ZNF649: variants seen among roughly 807,000 people sequenced by gnomAD.
The protein encoded by ZNF649 is zinc finger protein 649.
ZNF649 carries 7 observed loss-of-function variants against 14.1 expected under a neutral mutation model. The ratio of observed to expected loss-of-function variants is 0.49; its 90% CI spans 0.28 to 0.93. The LOEUF is 0.93. ZNF649 is among the 40% of genes least tolerant of loss of function. ZNF649 has a pLI of 0.10. For synonymous variants in ZNF649, 227 were observed against 212.3 expected, an observed-to-expected ratio of 1.07 and a Z score of -0.60; for missense variants, 544 against 608.1, an observed-to-expected ratio of 0.89 and a Z score of 1.11.
chr19:51,896,465 C>T lies in ZNF649; in HGVS notation c.238+7G>A. The stretch of plus-strand genomic sequence containing the variant: ...CCTTCCCCTCTTGCTGGTTCTCTCT[C>T]ACTTACCTGGGTGGGCTGGACTGTG... On this transcript the variant is annotated splice_region_variant and intron_variant, in intron 4 of 4. Coordinates refer to ENST00000354957, the MANE Select transcript of ZNF649 (RefSeq NM_023074.4). 6.2e-7 allele frequency: 1 copy of T among 1,613,628 alleles called. No homozygotes were observed. The highest frequency in any genetic ancestry group is 8.5e-7 in the Non-Finnish European group (1 of 1,179,598).
Position 51,896,866 on chromosome 19 carries a change from T to C in ZNF649, c.128A>G (p.Asn43Ser). 1 of 1,614,098 alleles carries C rather than the reference T, an allele frequency of 6.2e-7. No individual in the cohort carries two copies. Among genetic ancestry groups the C allele is most frequent in the Non-Finnish European group, 8.5e-7 (1 of 1,180,006 alleles). ...GCTGTCCTCACCCACTGACACAAGG[T>C]TGCTGTAGTTCTCCAACATCACATC... ...YRDVMLENYS[N>S]LVSVGYQAGK... Residue 43 changes from asparagine to serine, a missense_variant, in exon 3 of 5, where the codon AAC becomes AGC. By Grantham distance (46) the Asn-to-Ser change is conservative (BLOSUM62 1). Coordinates refer to ENST00000354957, the MANE Select transcript of ZNF649 (RefSeq NM_023074.4).
chr19:51,893,217 T>C (rs1262313983), intron 4 of ZNF649, among the ~76,000 whole-genome samples: 3 of 152,228 alleles, frequency 2.0e-5, no homozygotes, highest in African/African-American at 7.2e-5. Flanking sequence ...CTCATTTTAA[T>C]GTTAAAACTC....
At chr19:51,896,629 T>C in intron 3 of ZNF649, 62 bp from the exon 4 acceptor site, 2 of 1,570,810 alleles carry the variant, frequency 1.3e-6, no homozygotes, top group Non-Finnish European at 1.8e-6. Flanking sequence ...GCTCTGATGA[T>C]AGGAGAAAGG....
Position 51,904,903 on chromosome 19 carries a change from C to A in ZNF649, c.-188+11G>T, listed in dbSNP as rs2122777797. 1 of 152,596 alleles carries A rather than the reference C, an allele frequency of 6.6e-6. No homozygotes were observed. The highest frequency in any genetic ancestry group is 2.4e-5 in the African/African-American group (1 of 41,588). 9.5% of individuals were successfully genotyped at this position (152,596 alleles called of 1,614,324 possible). On this transcript the variant is annotated intron_variant, in intron 1 of 4. Transcript: ENST00000354957. ...CTTTAACCTACTCCACGGAGAGACC[C>A]AAACACTCACCTGATTTTCTTCTGG...
chr19:51,893,846 G>A (rs1011767456), intron 4 of ZNF649, among the ~76,000 whole-genome samples: 3 of 152,170 alleles, frequency 2.0e-5, no homozygotes, highest in African/African-American at 7.2e-5. Context: ...TCTGAATCAA[G>A]ACTTGAGGCA....
chr19:51,901,950 CAA>C (rs35820639), intron 1 of ZNF649, among the ~76,000 whole-genome samples: 1,056 of 63,566 alleles, frequency 0.017, 4 homozygotes, highest in African/African-American at 0.03. Flanking sequence ...GACTCTGTAT[CAA>C]AAAAAAAAAA....
rs1206403134 is a variant in ZNF649 at position 51,900,182 on chromosome 19, T to C, written c.-75A>G. ...TTTCTTCTGGATCCTCCCTAAATTT[T>C]GGCTAAGAAATCTGAGTCTCCATTT... On this transcript the variant is annotated 5_prime_UTR_variant, in exon 2 of 5. Coordinates refer to ENST00000354957, the MANE Select transcript of ZNF649 (RefSeq NM_023074.4). The C allele has an allele frequency of 9.7e-6, 13 of 1,333,638 alleles. No individual in the cohort carries two copies. The highest frequency in any genetic ancestry group is 1.3e-5 in the Non-Finnish European group (13 of 1,008,288). The allele number at this position is 1,333,638 out of a possible 1,614,324, so 82.6% of individuals were successfully genotyped here.
intron 2 of ZNF649, 107 bp from the exon 3 acceptor site, chr19:51,897,085 C>T: frequency 6.7e-7 from 1 of 1,482,646 alleles, no homozygotes; most frequent in African/African-American, 1.4e-5. Flanking sequence ...GCACAGTTGT[C>T]CCTTGGTATA....
rs960762503 is a variant in ZNF649 at position 51,891,767 on chromosome 19, T to A, written c.369A>T (p.Arg123Ser). Residue 123 changes from arginine to serine, a missense_variant, in exon 5 of 5, where the codon AGA becomes AGT. Coordinates refer to ENST00000354957, the MANE Select transcript of ZNF649 (RefSeq NM_023074.4). The surrounding 1 kb of genome is among the most constrained non-coding windows in gnomAD (Gnocchi z 4.2). ...SYLGLTNQSR[R>S]YNRKEPAEFN... is the part of the protein sequence containing the mutation. ...ACTCAGCAGGCTCCTTTCTGTTGTA[T>A]CTTCTGCTCTGGTTGGTTAAACCTA... 1.2e-6 allele frequency: 2 copies of A among 1,614,078 alleles called. No individual in the cohort carries two copies. The highest frequency in any genetic ancestry group is 1.3e-5 in the African/African-American group (1 of 75,056).
intron 3 of ZNF649, 47 bp downstream of exon 3, chr19:51,896,805 G>C: frequency 6.2e-7 from 1 of 1,614,080 alleles, no homozygotes; most frequent in Non-Finnish European, 8.5e-7. Flanking sequence ...GAAAGCAAAG[G>C]CCACTGACTG....
chr19:51,902,246 C>T (rs1475010360), intron 1 of ZNF649, among the ~76,000 whole-genome samples: 2 of 152,150 alleles, frequency 1.3e-5, no homozygotes, highest in African/African-American at 4.8e-5. Flanking sequence ...TATAGCAGCA[C>T]CAACAAGGCT....
chr19:51,891,575 G>A lies in ZNF649; in HGVS notation c.561C>T (p.Phe187=). 1 of 1,614,258 alleles carries A rather than the reference G, an allele frequency of 6.2e-7. No homozygotes were observed. The highest frequency in any genetic ancestry group is 8.5e-7 in the Non-Finnish European group (1 of 1,180,052). The change falls in exon 5 of 5, where the codon TTC becomes TTT. Residue 187 remains phenylalanine, a synonymous_variant. Coordinates refer to ENST00000354957, the MANE Select transcript of ZNF649 (RefSeq NM_023074.4). This position sits in a 1 kb window ranked among gnomAD's most constrained non-coding sequence, Gnocchi z 4.2. ...AHECTDCGKA[F]LKKSQLTEHK... is the part of the protein sequence containing the mutation. ...GCTCAGTGAGCTGAGACTTCTTGAG[G>A]AAAGCTTTCCCACAGTCAGTGCATT...
At chr19:51,903,962 A>C (rs2122776414) in intron 1 of ZNF649, among the ~76,000 whole-genome samples, 1 of 152,312 alleles carries the variant, frequency 6.6e-6, no homozygotes, top group Non-Finnish European at 1.5e-5. Context: ...CAAAATTGAA[A>C]ACCGAACTTA....
intron 1 of ZNF649, chr19:51,900,521 C>G (rs1445496713): frequency 4.1e-5 from 7 of 170,612 alleles, no homozygotes. Flanking sequence ...GGCCACTTTC[C>G]AATGCTTCAA....
chr19:51,892,035 C>G (rs570617682), intron 4 of ZNF649, 138 bp from the exon 5 acceptor site: 1 of 1,068,768 alleles, frequency 9.4e-7, no homozygotes, highest in South Asian at 2.2e-5. Flanking sequence ...TAAGTGTTCC[C>G]TATCTGTTAA....
intron 1 of ZNF649, chr19:51,904,042 G>A (rs2085109411): frequency 6.5e-6 from 1 of 152,938 alleles, no homozygotes; most frequent in South Asian, 2.0e-4. Flanking sequence ...ACTGCTGAAT[G>A]TTCCAACTGC....
At chr19:51,897,672 G>A (rs766185021) in intron 2 of ZNF649, among the ~76,000 whole-genome samples, 2 of 152,006 alleles carry the variant, frequency 1.3e-5, no homozygotes, top group Admixed American at 1.3e-4. Flanking sequence ...ACATACACAC[G>A]CATGCAGACA....
At chr19:51,896,347 G>T in intron 4 of ZNF649, 125 bp downstream of exon 4, 1 of 765,544 alleles carries the variant, frequency 1.3e-6, no homozygotes, top group South Asian at 1.6e-5. Context: ...TTGTATCCTA[G>T]GGGAGAAGAA....
intron 4 of ZNF649, among the ~76,000 whole-genome samples, chr19:51,892,810 A>T (rs746987074): frequency 2.6e-5 from 4 of 152,232 alleles, no homozygotes; most frequent in Non-Finnish European, 5.9e-5. Flanking sequence ...TCTTTGTAGC[A>T]ATAAGATACC....
Sources: gnomAD v4.1 joint callset for allele counts (sites outside exome capture counted in the v4.1 genomes callset) on GRCh38, gnomAD v4.1.1 for gene constraint, Gnocchi (gnomAD v3.1) non-coding constraint, MANE v1.5 for transcripts, NCBI Gene and HGNC (gene_info 2026-07-23, HGNC 2026-07-21) for gene names.